The following ANXA7 variants were observed in gnomAD, a reference collection of about 807,000 sequenced individuals.
The protein encoded by ANXA7 is annexin VII.
A neutral mutation model predicts 64.9 loss-of-function variants in ANXA7; 55 were observed. The observed-to-expected ratio is 0.85, with a 90% CI of 0.68 to 1.06. The LOEUF is 1.06. Ranked by LOEUF, ANXA7 falls within the 50% of genes least tolerant of loss-of-function variation. ANXA7 has a pLI of 0.00. For missense variants in ANXA7, 548 were observed against 582.1 expected (o/e 0.94, Z 0.60); for synonymous variants, 200 against 192.4 (o/e 1.04, Z -0.33).
intron 1 of ANXA7, among the ~76,000 whole-genome samples, chr10:73,406,869 C>T (rs912847403): frequency 1.3e-5 from 2 of 152,006 alleles, no homozygotes; most frequent in African/African-American, 4.8e-5. Context: ...CCACACCCAC[C>T]CTCTATTTAT....
intron 12 of ANXA7, among the ~76,000 whole-genome samples, chr10:73,377,933 G>A (rs138781911): frequency 0.046 from 6,866 of 150,764 alleles, 512 homozygotes; most frequent in African/African-American, 0.15. Context: ...GTGTGTGTGC[G>A]CGCGCGTGTG....
intron 9 of ANXA7, among the ~76,000 whole-genome samples, chr10:73,380,993 G>A (rs962960953): frequency 6.6e-6 from 1 of 152,098 alleles, no homozygotes; most frequent in African/African-American, 2.4e-5. Context: ...GAGGGAGGGA[G>A]GATATAATAT....
At chr10:73,388,569 G>A (rs1295671255) in intron 5 of ANXA7, among the ~76,000 whole-genome samples, 155 bp from the exon 6 acceptor site, 2 of 152,146 alleles carry the variant, frequency 1.3e-5, no homozygotes, top group Non-Finnish European at 2.9e-5. Context: ...AGCTCATTAT[G>A]GAACAGACAG....
Position 73,398,265 on chromosome 10 carries a change from C to T in ANXA7, c.175G>A (p.Gly59Ser), listed in dbSNP as rs2132684965. The T allele has an allele frequency of 1.2e-6, 2 of 1,614,078 alleles. No individual in the cohort carries two copies. The highest frequency in any genetic ancestry group is 1.7e-6 in the Non-Finnish European group (2 of 1,180,014). The change falls in exon 3 of 13, where the codon GGC becomes AGC. Residue 59 changes from glycine to serine, a missense_variant. Gly to Ser is a moderately conservative substitution (Grantham distance 56, BLOSUM62 0). Coordinates refer to ENST00000372921, the MANE Select transcript of ANXA7 (RefSeq NM_001156.5). ...VPSSGYPGAG[G>S]YPAPGGYPAP... ...GGATAACCTCCAGGCGCAGGGTAGC[C>T]TCCAGCTCCTGGGTAGCCACTACTT...
rs528296022 is a variant in ANXA7 at position 73,394,214 on chromosome 10, C to G, written c.435+2305G>C. The stretch of plus-strand genomic sequence containing the variant: ...ATCATTAAAAAGTCAGCAAACAACA[C>G]GTGCTGGAGAGGATGTGGAGAAATA... On this transcript the variant is annotated intron_variant, in intron 5 of 12. Coordinates refer to ENST00000372921, the MANE Select transcript of ANXA7 (RefSeq NM_001156.5). Among the ~76,000 whole-genome samples the G allele has an allele frequency of 1.4e-4, 21 of 152,254 alleles. 1 individual carries two copies. Among genetic ancestry groups the G allele is most frequent in the Admixed American group, 8.5e-4 (13 of 15,280 alleles).
In ANXA7 at chr10:73,378,905, C is replaced by A; in HGVS notation, c.1278+6G>T. On this transcript the variant is annotated splice_donor_region_variant and intron_variant, in intron 12 of 12. Coordinates refer to ENST00000372921, the MANE Select transcript of ANXA7 (RefSeq NM_001156.5). ...GACCCGACAAAAAGAGAGAGGCCTG[C>A]CTCACCTCACTTCGAGTGACCACAA... The A allele has an allele frequency of 6.2e-7, 1 of 1,604,930 alleles. No individual in the cohort carries two copies. Among genetic ancestry groups the A allele is most frequent in the Non-Finnish European group, 8.5e-7 (1 of 1,172,256 alleles).
Position 73,380,182 on chromosome 10 carries a change from T to C in ANXA7, c.938A>G (p.Gln313Arg), listed in dbSNP as rs1161460608. Reference protein sequence around the residue: ...SMCQGNRDENQSINHQMAQED... With the variant: ...SMCQGNRDENRSINHQMAQED... Reference sequence around the variant, plus strand: ...CTGAGCCATTTGGTGGTTTATACTCTGGTTCTCATCACGATTTCCCTGCAA... The same window carrying C: ...CTGAGCCATTTGGTGGTTTATACTCCGGTTCTCATCACGATTTCCCTGCAA... The change falls in exon 10 of 13, where the codon CAG becomes CGG. Residue 313 changes from glutamine to arginine, a missense_variant. Transcript: ENST00000372921. The C allele has an allele frequency of 3.7e-6, 6 of 1,610,434 alleles. No individual in the cohort carries two copies. The highest frequency in any genetic ancestry group is 4.2e-6 in the Non-Finnish European group (5 of 1,179,140).
At chr10:73,400,089 G>A (rs923831201) in intron 2 of ANXA7, among the ~76,000 whole-genome samples, 4 of 152,006 alleles carry the variant, frequency 2.6e-5, no homozygotes, top group African/African-American at 9.7e-5. Context: ...GTTGCAGTGA[G>A]CTGAGATCAC....
chr10:73,403,905 C>A (rs2055712407), intron 1 of ANXA7, among the ~76,000 whole-genome samples: 1 of 152,132 alleles, frequency 6.6e-6, no homozygotes, highest in Non-Finnish European at 1.5e-5. Flanking sequence ...CGTGAACGTA[C>A]CTACTTAAGG....
intron 1 of ANXA7, among the ~76,000 whole-genome samples, chr10:73,406,468 T>G (rs2055760172): frequency 6.6e-6 from 1 of 152,228 alleles, no homozygotes; most frequent in African/African-American, 2.4e-5. Flanking sequence ...TTCAGCAAAT[T>G]GCTCTTCAGC....
chr10:73,398,822 C>A (rs1318048122), intron 2 of ANXA7, among the ~76,000 whole-genome samples: 1 of 152,098 alleles, frequency 6.6e-6, no homozygotes, highest in East Asian at 1.9e-4. Context: ...AAAAAGGTAA[C>A]CTGTATATCA....
chr10:73,409,442 T>C (rs1217233508), intron 1 of ANXA7, among the ~76,000 whole-genome samples: 4 of 151,946 alleles, frequency 2.6e-5, no homozygotes. Context: ...ATAAATAGAA[T>C]ACCTAGGAAT....
At chr10:73,377,784 G>A (rs931727725) in intron 12 of ANXA7, among the ~76,000 whole-genome samples, 8 of 149,192 alleles carry the variant, frequency 5.4e-5, no homozygotes, top group Admixed American at 1.3e-4. Flanking sequence ...GTGTGTGTGT[G>A]TGTGTGTGTG....
chr10:73,376,482 G>A (rs1359413767), intron 12 of ANXA7, among the ~76,000 whole-genome samples: 1 of 152,098 alleles, frequency 6.6e-6, no homozygotes, highest in Non-Finnish European at 1.5e-5. Context: ...ACATTTGATA[G>A]GATGGCTATT....
intron 7 of ANXA7, among the ~76,000 whole-genome samples, chr10:73,385,967 A>C (rs976871513): frequency 6.6e-6 from 1 of 152,164 alleles, no homozygotes; most frequent in Non-Finnish European, 1.5e-5. Flanking sequence ...TAATCCCAGC[A>C]CTTTGGGAGG....
rs548948947 is a variant in ANXA7 at position 73,380,108 on chromosome 10, C to T, written c.1012G>A (p.Asp338Asn). 13 of 1,614,170 alleles carry T rather than the reference C, an allele frequency of 8.1e-6. No individual in the cohort carries two copies. Among genetic ancestry groups the T allele is most frequent in the African/African-American group, 2.7e-5 (2 of 75,034 alleles). Residue 338 changes from aspartate (D) to asparagine (N), a missense_variant, in exon 10 of 13, where the codon GAT becomes AAT. Coordinates refer to ENST00000372921, the MANE Select transcript of ANXA7 (RefSeq NM_001156.5). ...YQAGEGRLGT[D>N]ESCFNMILAT... The stretch of plus-strand genomic sequence containing the variant: ...AGGATCATGTTAAAGCAAGATTCAT[C>T]GGTCCCTAGTCTCCCCTCACCAGCT...
chr10:73,388,354 T>A lies in ANXA7; in HGVS notation c.496A>T (p.Ile166Leu). Residue 166 changes from isoleucine (I) to leucine (L), a missense_variant, in exon 6 of 13, where the codon ATA becomes TTA. Coordinates refer to ENST00000372921, the MANE Select transcript of ANXA7 (RefSeq NM_001156.5). ...TTACGAAGAATTTCTGCATCTCTTA[T>A]AGCATCGAAGTTGGCAGCTGGTCGG... is the stretch of plus-strand genomic sequence containing the variant. The part of the protein sequence containing the change: ...TIRPAANFDA[I>L]RDAEILRKAM... 1.9e-6 allele frequency: 3 copies of A among 1,614,106 alleles called. No homozygotes were observed. Among genetic ancestry groups the A allele is most frequent in the Non-Finnish European group, 2.5e-6 (3 of 1,179,948 alleles).
rs141350777 is a variant in ANXA7, at chr10:73,411,593, G to A, written c.-2+2419C>T. On this transcript the variant is annotated intron_variant, in intron 1 of 12. Transcript: ENST00000372921. Reference sequence around the variant, plus strand: ...GTAGCTGGGACGTGCCACCGCACCCGGCTAAATTTTGTATTTTTAGTACAG... The same window carrying A: ...GTAGCTGGGACGTGCCACCGCACCCAGCTAAATTTTGTATTTTTAGTACAG... Among the ~76,000 whole-genome samples the A allele has an allele frequency of 9.7e-4, 147 of 152,102 alleles. 1 individual carries two copies. Among genetic ancestry groups the A allele is most frequent in the South Asian group, 5.4e-3 (26 of 4,804 alleles).
rs146521289 is a variant in ANXA7, at chr10:73,376,187, C to A, written c.1309G>T (p.Ala437Ser). 7 of 1,596,698 alleles carry A rather than the reference C, an allele frequency of 4.4e-6. No individual in the cohort carries two copies. In the Admixed American group the frequency reaches 1.0e-4, roughly 23 times the overall value. The change falls in exon 13 of 13, where the codon GCT (alanine) becomes TCT (serine). Residue 437 changes from alanine (A) to serine (S), a missense_variant. Transcript: ENST00000372921. ...IDLVQIKQMF[A>S]QMYQKTLGTM... ...CCCAGAGTCTTCTGATACATCTGAG[C>A]GAACATCTGTTTTATTTGTACAAGG...
Sources: gnomAD v4.1 joint callset for allele counts (sites outside exome capture counted in the v4.1 genomes callset) on GRCh38, gnomAD v4.1.1 for gene constraint, MANE v1.5 for transcripts, NCBI Gene and HGNC (gene_info 2026-07-23, HGNC 2026-07-21) for gene names.